The following CDK5RAP2 variants were observed in gnomAD, a reference collection of about 807,000 sequenced individuals.
CDK5RAP2 encodes the protein CDK5 regulatory subunit associated protein 2.
Under a neutral mutation model 232.9 loss-of-function variants are expected in CDK5RAP2, and 147 were observed. The ratio of observed to expected loss-of-function variants is 0.63; its 90% confidence interval spans 0.55 to 0.72. CDK5RAP2 has a LOEUF of 0.72. Ranked by LOEUF, CDK5RAP2 falls within the 30% of genes least tolerant of loss-of-function variation. CDK5RAP2 has a pLI of 0.00. For missense variants in CDK5RAP2, 2,195 were observed against 2,231.5 expected (o/e 0.98, Z 0.33); for synonymous variants, 833 against 833.7 (o/e 1.00, Z 0.01).
intron 20 of CDK5RAP2, among the ~76,000 whole-genome samples, chr9:120,456,633 C>T (rs1306274110): frequency 1.3e-5 from 2 of 152,128 alleles, no homozygotes; most frequent in Non-Finnish European, 2.9e-5. Context: ...TATAGTAAAC[C>T]CAGACTTTTA....
chr9:120,404,747 C>T (rs1564174718), intron 32 of CDK5RAP2, among the ~76,000 whole-genome samples: 1 of 152,314 alleles, frequency 6.6e-6, no homozygotes, highest in African/African-American at 2.4e-5. Flanking sequence ...TGGAGGCTGC[C>T]ACACTAACCT....
rs756501143 is a variant in CDK5RAP2 at position 120,448,039 on chromosome 9, C to A, written c.2881G>T (p.Val961Leu). The stretch of plus-strand genomic sequence containing the variant: ...AAGATCTGGCTCTGCAGCTGCGTCA[C>A]CACCTCCTGGGTGGCAGGGAGACGA... ...MYRLPATQEV[V>L]TQLQSQILEL... The change falls in exon 22 of 38, where the codon GTG (valine) becomes TTG (leucine). Residue 961 changes from valine (V) to leucine (L), a missense_variant. Transcript: ENST00000349780. 6.2e-7 allele frequency: 1 copy of A among 1,614,170 alleles called. No individual in the cohort carries two copies. The highest frequency in any genetic ancestry group is 8.5e-7 in the Non-Finnish European group (1 of 1,180,016).
chr9:120,558,782 C>A (rs1429876017), intron 3 of CDK5RAP2, among the ~76,000 whole-genome samples: 1 of 152,210 alleles, frequency 6.6e-6, no homozygotes, highest in South Asian at 2.1e-4. Flanking sequence ...CTAAAGTGGG[C>A]CCCATCTCTA....
At position 120,402,959 on chromosome 9, in the gene CDK5RAP2, C is replaced by A. The variant is rs764564717; in HGVS notation, c.5154G>T (p.Leu1718=). 1 of 1,614,214 alleles carries A rather than the reference C, an allele frequency of 6.2e-7. No individual in the cohort carries two copies. The highest frequency in any genetic ancestry group is 1.6e-4 in the Middle Eastern group (1 of 6,062). Residue 1718 remains leucine (L), a synonymous_variant, in exon 34 of 38, where the codon CTG becomes CTT. Transcript: ENST00000349780. ...CATGGCGGCCATTCTTGCTGGCCCA[C>A]AGGTGGTGGCCAGTGACCAGGCGGG... is the stretch of plus-strand genomic sequence containing the variant. ...CVSRLVTGHH[L]WASKNGRHVL...
At chr9:120,473,421 G>A (rs540366229) in intron 15 of CDK5RAP2, among the ~76,000 whole-genome samples, 4 of 152,290 alleles carry the variant, frequency 2.6e-5, no homozygotes, top group Admixed American at 6.5e-5. Context: ...AATAGCCCCC[G>A]AATGGTTAGA....
At chr9:120,397,575 A>G (rs1033953580) in intron 35 of CDK5RAP2, among the ~76,000 whole-genome samples, 7 of 147,560 alleles carry the variant, frequency 4.7e-5, no homozygotes, top group African/African-American at 1.8e-4. Flanking sequence ...AGAAAAAAGA[A>G]AAAAAAAAAA....
rs2032292707 is a variant in CDK5RAP2 at position 120,394,565 on chromosome 9, G to A, written c.5525C>T (p.Thr1842Ile). ...CTTGCTCAGCTGCAAAAGCTTCATG[G>A]TGTTTTGCAACTTCTTTTCTTGTTC... ...LFEQEKKLQNTMKLLQLSKRQ... is the reference protein window; with the variant it reads ...LFEQEKKLQNIMKLLQLSKRQ... The change falls in exon 36 of 38, where the codon ACC becomes ATC. Residue 1842 changes from threonine (T) to isoleucine (I), a missense_variant. Thr to Ile is a moderately conservative substitution (Grantham distance 89, BLOSUM62 -1). Transcript: ENST00000349780. The A allele has an allele frequency of 1.2e-6, 2 of 1,614,094 alleles. No homozygotes were observed. The highest frequency in any genetic ancestry group is 8.5e-7 in the Non-Finnish European group (1 of 1,179,978).
In CDK5RAP2 at chr9:120,389,049, G is replaced by A; in HGVS notation, c.*187C>T. 1.6e-6 allele frequency: 1 copy of A among 619,560 alleles called. No individual in the cohort carries two copies. The highest frequency in any genetic ancestry group is 2.9e-6 in the Non-Finnish European group (1 of 350,618). The allele number at this position is 619,560 out of a possible 1,614,324, so 38.4% of individuals were successfully genotyped here. On this transcript the variant is annotated 3_prime_UTR_variant, in exon 38 of 38. Transcript: ENST00000349780. ...CGAGGCCTTTTTACCACCCGTTTGT[G>A]GAGCACCTGCACCTTTCTGACAACA...
At chr9:120,524,770 G>A (rs532483967) in intron 11 of CDK5RAP2, among the ~76,000 whole-genome samples, 1 of 152,276 alleles carries the variant, frequency 6.6e-6, no homozygotes, top group East Asian at 1.9e-4. Context: ...ACTCCTAACT[G>A]TGGAGGTATT....
At chr9:120,477,783 C>CA (rs901087245) in intron 14 of CDK5RAP2, among the ~76,000 whole-genome samples, 3 of 151,832 alleles carry the variant, frequency 2.0e-5, no homozygotes, top group South Asian at 2.1e-4. Flanking sequence ...TAAAACACTA[C>CA]AAAAAAAATA....
chr9:120,413,592 T>C (rs192503257), intron 28 of CDK5RAP2, among the ~76,000 whole-genome samples: 198 of 152,330 alleles, frequency 1.3e-3, no homozygotes, highest in Admixed American at 0.013. Flanking sequence ...GTCTGCTCCA[T>C]TGTAGCTGGT....
intron 15 of CDK5RAP2, among the ~76,000 whole-genome samples, chr9:120,476,784 A>G (rs1274737619): frequency 6.6e-6 from 1 of 152,072 alleles, no homozygotes; most frequent in Admixed American, 6.5e-5. Flanking sequence ...GCCTGTGGAC[A>G]CAGAGCTAGA....
chr9:120,479,498 G>A (rs1294903235), intron 14 of CDK5RAP2, among the ~76,000 whole-genome samples: 1 of 152,192 alleles, frequency 6.6e-6, no homozygotes, highest in Non-Finnish European at 1.5e-5. Flanking sequence ...ATCAAAGTTA[G>A]CATGGCCAGT....
chr9:120,464,173 C>G (rs898592845), intron 18 of CDK5RAP2, among the ~76,000 whole-genome samples: 3 of 152,192 alleles, frequency 2.0e-5, no homozygotes, highest in Admixed American at 6.5e-5. Context: ...CACGCTGTTA[C>G]TCTGCACTCT....
At chr9:120,460,455 A>T in intron 19 of CDK5RAP2, 117 bp downstream of exon 19, 1 of 912,932 alleles carries the variant, frequency 1.1e-6, no homozygotes, top group Non-Finnish European at 1.8e-6. Flanking sequence ...GGCACATGAA[A>T]GGTACAGGAT....
At chr9:120,574,192 T>G (rs2042951265) in intron 1 of CDK5RAP2, among the ~76,000 whole-genome samples, 1 of 152,138 alleles carries the variant, frequency 6.6e-6, no homozygotes, top group South Asian at 2.1e-4. Context: ...ATGCAGAAAT[T>G]TTTGCTTGGA....
At chr9:120,486,500 C>T (rs950272906) in intron 14 of CDK5RAP2, among the ~76,000 whole-genome samples, 5 of 151,594 alleles carry the variant, frequency 3.3e-5, no homozygotes, top group African/African-American at 1.2e-4. Context: ...TTCATTCACT[C>T]AACAAATATT....
chr9:120,500,970 C>T (rs377017734), intron 12 of CDK5RAP2, among the ~76,000 whole-genome samples: 34 of 152,200 alleles, frequency 2.2e-4, no homozygotes, highest in African/African-American at 7.5e-4. Flanking sequence ...AAAATTCCTA[C>T]ACCTGGGAGC....
chr9:120,527,707 T>G (rs2131899649), intron 10 of CDK5RAP2, 99 bp downstream of exon 10: 1 of 1,374,972 alleles, frequency 7.3e-7, no homozygotes, highest in African/African-American at 1.4e-5. Flanking sequence ...ACCTCAGCTC[T>G]CTTATAAACT....
Sources: gnomAD v4.1 joint callset for allele counts (sites outside exome capture counted in the v4.1 genomes callset) on GRCh38, gnomAD v4.1.1 for gene constraint, MANE v1.5 for transcripts, NCBI Gene and HGNC (gene_info 2026-07-23, HGNC 2026-07-21) for gene names.